Variants in LRP1B observed in about 807,000 individuals in gnomAD.
LRP1B encodes LDL receptor related protein 1B, also known as low-density lipoprotein receptor-related protein 1B.
In LRP1B, 217 loss-of-function variants were observed where a neutral mutation model predicts 556.6. That is an observed-to-expected ratio of 0.39 (90% CI 0.35 to 0.44). LRP1B has a LOEUF of 0.44. Among genes scored for constraint, LRP1B ranks in the 20% least tolerant of loss-of-function variants. The pLI, the probability that LRP1B is intolerant of heterozygous loss-of-function variation, is 1.00. For missense variants in LRP1B, 5,053 were observed against 5,620.8 expected (o/e 0.90, Z 3.23); for synonymous variants, 2,047 against 1,865.8 (o/e 1.10, Z -2.50).
chr2:141,285,011 T>G (rs1685651941), intron 3 of LRP1B, among the ~76,000 whole-genome samples: 2 of 152,210 alleles, frequency 1.3e-5, no homozygotes, highest in Non-Finnish European at 2.9e-5. Context: ...TAACATTGTA[T>G]TCAGGGACTT....
chr2:141,942,659 T>C (rs560792681), intron 1 of LRP1B, among the ~76,000 whole-genome samples: 1 of 152,334 alleles, frequency 6.6e-6, no homozygotes, highest in African/African-American at 2.4e-5. Flanking sequence ...CTGAACAAGA[T>C]ATCAGATTCT....
intron 1 of LRP1B, among the ~76,000 whole-genome samples, chr2:141,947,570 T>C (rs1242729948): frequency 6.6e-6 from 1 of 151,954 alleles, no homozygotes; most frequent in Non-Finnish European, 1.5e-5. Flanking sequence ...AAAAAGACTA[T>C]TTAGGAGGGA....
In LRP1B at chr2:140,652,391, CCTAA is replaced by C. The variant is rs370974275; in HGVS notation, c.6799+47855_6799+47858del. ...ATCAAAGATATAATTTTTGACTCTA[CCTAA>C]CTAATGAAAATATTGCACAAGAAAA... On this transcript the variant is annotated intron_variant, in intron 41 of 90. Coordinates refer to ENST00000389484, the MANE Select transcript of LRP1B (RefSeq NM_018557.3). Among the ~76,000 whole-genome samples, 264 of 152,020 alleles carry C rather than the reference CCTAA, an allele frequency of 1.7e-3. 2 individuals are homozygous for C. The highest frequency in any genetic ancestry group is 3.4e-3 in the Middle Eastern group (1 of 290).
At chr2:140,908,485 T>C (rs1227951501) in intron 21 of LRP1B, among the ~76,000 whole-genome samples, 1 of 151,318 alleles carries the variant, frequency 6.6e-6, no homozygotes, top group Non-Finnish European at 1.5e-5. Context: ...GCCTTTTAGA[T>C]CCCTAAATTT....
chr2:140,406,878 T>C (rs1001573059), intron 66 of LRP1B, among the ~76,000 whole-genome samples: 1 of 152,106 alleles, frequency 6.6e-6, no homozygotes, highest in Admixed American at 6.6e-5. Context: ...AGAGCCTGAA[T>C]AGCCAAAGCA....
At chr2:140,555,544 T>C (rs1296602920) in intron 43 of LRP1B, among the ~76,000 whole-genome samples, 1 of 152,086 alleles carries the variant, frequency 6.6e-6, no homozygotes. Context: ...CAGTAAGCTC[T>C]TAATAATTGT....
chr2:140,355,157 T>C (rs1357008137), intron 75 of LRP1B, among the ~76,000 whole-genome samples: 1 of 151,776 alleles, frequency 6.6e-6, no homozygotes, highest in East Asian at 1.9e-4. Flanking sequence ...GGAATGTAAT[T>C]AAAAATTAAG....
intron 9 of LRP1B, among the ~76,000 whole-genome samples, chr2:141,058,003 CAT>C (rs1267125092): frequency 6.6e-6 from 1 of 151,786 alleles, no homozygotes; most frequent in Non-Finnish European, 1.5e-5. Context: ...TATTTTGTAT[CAT>C]AGCTTCTCCA....
At chr2:141,478,789 C>A (rs994730427) in intron 3 of LRP1B, among the ~76,000 whole-genome samples, 1 of 152,108 alleles carries the variant, frequency 6.6e-6, no homozygotes, top group Non-Finnish European at 1.5e-5. Flanking sequence ...AGGTGATCTG[C>A]CTGCTTGGGC....
chr2:141,231,528 C>T (rs1683468083), intron 5 of LRP1B, among the ~76,000 whole-genome samples: 1 of 152,120 alleles, frequency 6.6e-6, no homozygotes, highest in South Asian at 2.1e-4. Context: ...CCAGTGGCTG[C>T]AGCCTGGAGA....
At chr2:140,464,226 A>T (rs1032431928) in intron 60 of LRP1B, among the ~76,000 whole-genome samples, 1 of 151,628 alleles carries the variant, frequency 6.6e-6, no homozygotes, top group African/African-American at 2.4e-5. Context: ...TAAATAAAAT[A>T]AAAAAAGAAA....
chr2:141,953,509 CAG>C (rs1182480204), intron 1 of LRP1B, among the ~76,000 whole-genome samples: 12 of 151,968 alleles, frequency 7.9e-5, no homozygotes, highest in African/African-American at 2.9e-4. Flanking sequence ...AGATAATTAT[CAG>C]AGTCTAAAGT....
At chr2:140,283,659 G>C (rs1378759236) in intron 84 of LRP1B, among the ~76,000 whole-genome samples, 2 of 151,636 alleles carry the variant, frequency 1.3e-5, no homozygotes, top group East Asian at 3.9e-4. Flanking sequence ...GATTTTTAAA[G>C]TATCAGCATT....
intron 35 of LRP1B, among the ~76,000 whole-genome samples, chr2:140,748,589 GTGTATATATATATATATA>G (rs1396987243): frequency 5.3e-5 from 1 of 18,744 alleles, no homozygotes; most frequent in African/African-American, 1.6e-4. Flanking sequence ...CATATACAGT[GTGTATATATATATATATA>G]TATATATATA....
intron 1 of LRP1B, among the ~76,000 whole-genome samples, chr2:141,883,246 G>A (rs545551215): frequency 5.9e-5 from 9 of 152,212 alleles, no homozygotes; most frequent in Admixed American, 6.5e-5. Context: ...CATGTCAACA[G>A]CATGCAATTA....
chr2:142,121,813 T>C (rs886531384), intron 1 of LRP1B, among the ~76,000 whole-genome samples: 1 of 152,146 alleles, frequency 6.6e-6, no homozygotes, highest in Admixed American at 6.6e-5. Flanking sequence ...TTACCACTTA[T>C]TTGCTCATCT....
At chr2:141,233,724 A>T (rs1683554531) in intron 5 of LRP1B, among the ~76,000 whole-genome samples, 1 of 152,050 alleles carries the variant, frequency 6.6e-6, no homozygotes, top group Non-Finnish European at 1.5e-5. Flanking sequence ...AAAACTTGTC[A>T]TTTTTAAGGT....
chr2:141,193,553 A>G (rs1432666479), intron 6 of LRP1B, among the ~76,000 whole-genome samples: 1 of 151,968 alleles, frequency 6.6e-6, no homozygotes, highest in Non-Finnish European at 1.5e-5. Context: ...TCATGAACAC[A>G]AAGAAGGGAA....
chr2:141,944,536 T>C (rs1375149288), intron 1 of LRP1B, among the ~76,000 whole-genome samples: 2 of 152,148 alleles, frequency 1.3e-5, no homozygotes, highest in African/African-American at 4.8e-5. Flanking sequence ...TCTCTGGCTG[T>C]GTTTGGATAG....
Sources: gnomAD v4.1 joint callset for allele counts (sites outside exome capture counted in the v4.1 genomes callset) on GRCh38, gnomAD v4.1.1 for gene constraint, MANE v1.5 for transcripts, NCBI Gene and HGNC (gene_info 2026-07-23, HGNC 2026-07-21) for gene names.